TRIM33: variants seen among roughly 807,000 people sequenced by gnomAD.
TRIM33 encodes tripartite motif containing 33.
In TRIM33, 20 loss-of-function variants were observed where a neutral mutation model predicts 125.4. That is an observed-to-expected ratio of 0.16 (90% CI 0.11 to 0.23). TRIM33 has a LOEUF of 0.23. TRIM33 is among the 10% of genes least tolerant of loss of function. The pLI, the probability that TRIM33 is intolerant of heterozygous loss-of-function variation, is 1.00. For synonymous variants in TRIM33, 564 were observed against 513.9 expected, an observed-to-expected ratio of 1.10 and a Z score of -1.32; for missense variants, 920 against 1,411.4, an observed-to-expected ratio of 0.65 and a Z score of 5.58.
rs1651897076 is a variant in TRIM33, at chr1:114,401,596, CAACT to C, written c.2893-137_2893-134del. 5.2e-6 allele frequency: 3 copies of C among 581,816 alleles called. No homozygotes were observed. The East Asian group carries it at 1.0e-4, about 19-fold the overall frequency. 36.0% of individuals were successfully genotyped at this position (581,816 alleles called of 1,614,324 possible). On this transcript the variant is annotated intron_variant, in intron 16 of 19. Coordinates refer to ENST00000358465, the MANE Select transcript of TRIM33 (RefSeq NM_015906.4). ...ACAAGCCCCCTGTTTACTAGATACT[CAACT>C]AAACATAAACACCCAAAGAAAATTC...
chr1:114,440,254 G>A (rs961389975), intron 4 of TRIM33, among the ~76,000 whole-genome samples: 7 of 151,798 alleles, frequency 4.6e-5, no homozygotes, highest in African/African-American at 1.2e-4. Context: ...ACTTCATTCC[G>A]GAAATTTAAC....
intron 4 of TRIM33, among the ~76,000 whole-genome samples, chr1:114,435,808 C>A (rs951246943): frequency 6.6e-6 from 1 of 151,042 alleles, no homozygotes; most frequent in African/African-American, 2.4e-5. Context: ...CTCACTGCAG[C>A]CTCAAACTCA....
intron 4 of TRIM33, among the ~76,000 whole-genome samples, chr1:114,439,703 C>T (rs1000764725): frequency 6.6e-6 from 1 of 151,768 alleles, no homozygotes; most frequent in Non-Finnish European, 1.5e-5. Flanking sequence ...CTCAACATCC[C>T]CCAAGCACAA....
At chr1:114,439,600 C>A (rs772127085) in intron 4 of TRIM33, among the ~76,000 whole-genome samples, 30 of 149,476 alleles carry the variant, frequency 2.0e-4, no homozygotes, top group Non-Finnish European at 3.5e-4. Context: ...ATTGGCATCC[C>A]CAAAGGAGAA....
intron 4 of TRIM33, among the ~76,000 whole-genome samples, chr1:114,442,280 T>C (rs945318886): frequency 6.6e-5 from 10 of 152,210 alleles, no homozygotes; most frequent in African/African-American, 2.4e-4. Context: ...GAAATCTTTA[T>C]TTGTTGCCAT....
intron 1 of TRIM33, among the ~76,000 whole-genome samples, chr1:114,494,924 T>C (rs1652280127): frequency 1.3e-5 from 2 of 152,152 alleles, no homozygotes; most frequent in Admixed American, 1.3e-4. Flanking sequence ...GTTGTTGTTG[T>C]TGTTATTGTT....
intron 4 of TRIM33, among the ~76,000 whole-genome samples, chr1:114,452,107 A>T (rs1030477527): frequency 6.6e-6 from 1 of 152,196 alleles, no homozygotes; most frequent in Non-Finnish European, 1.5e-5. Flanking sequence ...AAACTGGGTC[A>T]CTAAAATGAC....
chr1:114,444,159 G>C (rs1648830592), intron 4 of TRIM33, among the ~76,000 whole-genome samples: 1 of 152,180 alleles, frequency 6.6e-6, no homozygotes, highest in Non-Finnish European at 1.5e-5. Flanking sequence ...GTGGGCTCAT[G>C]AGTGGCTGAA....
intron 1 of TRIM33, among the ~76,000 whole-genome samples, chr1:114,509,422 T>C (rs999652618): frequency 3.9e-5 from 6 of 152,262 alleles, no homozygotes; most frequent in African/African-American, 1.4e-4. Flanking sequence ...ACGTGTTTGA[T>C]AGAGTTAACT....
At chr1:114,497,781 C>A (rs1206310993) in intron 1 of TRIM33, among the ~76,000 whole-genome samples, 1 of 151,554 alleles carries the variant, frequency 6.6e-6, no homozygotes, top group African/African-American at 2.4e-5. Context: ...CACAGAAGCA[C>A]AGAATCTTCC....
At chr1:114,474,578 T>TAAAA (rs34473575) in intron 1 of TRIM33, among the ~76,000 whole-genome samples, 4 of 78,980 alleles carry the variant, frequency 5.1e-5, no homozygotes, top group South Asian at 5.2e-4. Flanking sequence ...TGTCTCTATT[T>TAAAA]AAAAAAAAAA....
intron 4 of TRIM33, among the ~76,000 whole-genome samples, chr1:114,444,441 A>C (rs920725171): frequency 6.6e-6 from 1 of 152,194 alleles, no homozygotes; most frequent in Non-Finnish European, 1.5e-5. Flanking sequence ...AGACTTTGTT[A>C]ATCTCCCTGG....
Position 114,511,153 on chromosome 1 carries a change from A to C in TRIM33, c.-77T>G. 9.6e-7 allele frequency: 1 copy of C among 1,043,548 alleles called. No homozygotes were observed. Among genetic ancestry groups the C allele is most frequent in the Non-Finnish European group, 1.2e-6 (1 of 865,224 alleles). 64.6% of individuals were successfully genotyped at this position (1,043,548 alleles called of 1,614,324 possible). On this transcript the variant is annotated 5_prime_UTR_variant, in exon 1 of 20. Transcript: ENST00000358465. The stretch of plus-strand genomic sequence containing the variant: ...CGCCGCCGCCGCCGCCCCCAGCCCC[A>C]GCCGCAGCCGCAGCAAGAGCGGCAG...
chr1:114,398,025 G>T, intron 18 of TRIM33, 35 bp from the exon 19 acceptor site: 1 of 1,585,786 alleles, frequency 6.3e-7, no homozygotes. Context: ...AAAAAAAAGG[G>T]AAATTATAAT....
chr1:114,464,689 T>C (rs952610004), intron 1 of TRIM33, among the ~76,000 whole-genome samples: 1 of 152,208 alleles, frequency 6.6e-6, no homozygotes, highest in Non-Finnish European at 1.5e-5. Flanking sequence ...AATATTAATT[T>C]ACATGGTAAA....
At chr1:114,462,802 C>T (rs1209994366) in intron 4 of TRIM33, among the ~76,000 whole-genome samples, 1 of 151,894 alleles carries the variant, frequency 6.6e-6, no homozygotes, top group Non-Finnish European at 1.5e-5. Context: ...CTATAGGACA[C>T]CAAGAAAAAG....
At chr1:114,440,911 C>A (rs1192993817) in intron 4 of TRIM33, among the ~76,000 whole-genome samples, 1 of 152,152 alleles carries the variant, frequency 6.6e-6, no homozygotes, top group Non-Finnish European at 1.5e-5. Context: ...AATCACAACG[C>A]ACATTTTTAA....
chr1:114,461,884 C>T (rs887350438), intron 4 of TRIM33, among the ~76,000 whole-genome samples: 2 of 152,046 alleles, frequency 1.3e-5, no homozygotes, highest in African/African-American at 4.8e-5. Flanking sequence ...ATTAAGAGCA[C>T]AAAAATTTAA....
At position 114,397,656 on chromosome 1, in the gene TRIM33, T is replaced by C; in HGVS notation, c.3376A>G (p.Ile1126Val). The stretch of plus-strand genomic sequence containing the variant: ...TTTAAATCCATGTCATTTTACTTTA[T>C]ATGTACTGGTCTCTCATCTGACTTT... Reference protein sequence around the residue: ...RLKSDERPVHIK With the variant: ...RLKSDERPVHVK Residue 1126 changes from isoleucine to valine, a missense_variant, in exon 20 of 20, where the codon ATA becomes GTA. Physicochemically the swap from Ile to Val is conservative, Grantham distance 29. Transcript: ENST00000358465. The C allele has an allele frequency of 6.5e-7, 1 of 1,549,914 alleles. No individual in the cohort carries two copies. Among genetic ancestry groups the C allele is most frequent in the Non-Finnish European group, 8.9e-7 (1 of 1,123,924 alleles).
Sources: allele counts gnomAD v4.1 joint callset (sites outside exome capture counted in the v4.1 genomes callset), GRCh38; gene constraint gnomAD v4.1.1; transcripts MANE v1.5; gene names NCBI Gene and HGNC (gene_info 2026-07-23, HGNC 2026-07-21).